The following ZFYVE26 variants were observed in gnomAD, a reference collection of about 807,000 sequenced individuals.
ZFYVE26 encodes zinc finger FYVE domain-containing protein 26.
ZFYVE26 carries 181 observed loss-of-function variants against 276.5 expected under a neutral mutation model. The ratio of observed to expected loss-of-function variants is 0.65; its 90% CI spans 0.58 to 0.74. The LOEUF is 0.74. ZFYVE26 is among the 30% of genes least tolerant of loss of function. The pLI, the probability that ZFYVE26 is intolerant of heterozygous loss-of-function variation, is 0.00. For missense variants in ZFYVE26, 2,821 were observed against 3,097.9 expected (o/e 0.91, Z 2.12); for synonymous variants, 1,129 against 1,203.1 (o/e 0.94, Z 1.27).
At chr14:67,763,989 G>A (rs761521400) in intron 32 of ZFYVE26, among the ~76,000 whole-genome samples, 1 of 152,180 alleles carries the variant, frequency 6.6e-6, no homozygotes, top group Non-Finnish European at 1.5e-5. Context: ...ATGCTGCTGG[G>A]TGGAAGCATC....
intron 10 of ZFYVE26, 23 bp from the exon 11 acceptor site, chr14:67,798,645 A>G (rs556252734): frequency 1.2e-6 from 2 of 1,613,464 alleles, no homozygotes; most frequent in Admixed American, 3.3e-5. Context: ...GTACAAGAGA[A>G]GAGGCCAGAG....
At chr14:67,736,570 C>T (rs1304852593) in intron 13 of ZFYVE26, among the ~76,000 whole-genome samples, 1 of 152,014 alleles carries the variant, frequency 6.6e-6, no homozygotes, top group East Asian at 1.9e-4. Flanking sequence ...TATCTTTATG[C>T]CCTTGGAAGA....
chr14:67,793,563 G>C (rs1180708225), intron 14 of ZFYVE26, 45 bp downstream of exon 14: 1 of 1,603,624 alleles, frequency 6.2e-7, no homozygotes, highest in Non-Finnish European at 8.5e-7. Context: ...AGCCTTACCT[G>C]ATGCTAAGTC....
At position 67,805,597 on chromosome 14, in the gene ZFYVE26, T is replaced by C; in HGVS notation, c.1039A>G (p.Lys347Glu). The C allele has an allele frequency of 1.2e-6, 2 of 1,614,146 alleles. No individual in the cohort carries two copies. Among genetic ancestry groups the C allele is most frequent in the South Asian group, 1.1e-5 (1 of 91,088 alleles). Residue 347 changes from lysine (K) to glutamate (E), a missense_variant, in exon 7 of 42, where the codon AAA becomes GAA. Transcript: ENST00000347230. The part of the protein sequence containing the change: ...QILVTALTLL[K>E]EEDFPNLGCL... ...CCAAGATTTGGGAAGTCTTCTTCTT[T>C]CAACAATGTTAGTGCTGTTACCTGT...
chr14:67,783,996 G>A (rs1011586328), intron 20 of ZFYVE26, among the ~76,000 whole-genome samples: 3 of 152,204 alleles, frequency 2.0e-5, no homozygotes, highest in Non-Finnish European at 4.4e-5. Flanking sequence ...TTCCGACAGA[G>A]GCTGTACAAA....
chr14:67,764,497 A>G (rs1445053288), intron 32 of ZFYVE26, among the ~76,000 whole-genome samples: 4 of 152,162 alleles, frequency 2.6e-5, no homozygotes, highest in Non-Finnish European at 5.9e-5. Context: ...GGAATTACAG[A>G]CAAGAGCCAC....
intron 14 of ZFYVE26, 81 bp from the exon 15 acceptor site, chr14:67,790,854 C>A (rs777258922): frequency 1.5e-6 from 2 of 1,315,670 alleles, no homozygotes; most frequent in Non-Finnish European, 2.2e-6. Flanking sequence ...TCTTGCCAAC[C>A]ATTAGACTGT....
Position 67,729,419 on chromosome 14 carries a change from G to A in ZFYVE26, n.3080C>T, listed in dbSNP as rs749580824. ...ATGCGGTTCTCTCCACCACCTGTGT[G>A]CATGGGAGGTGCCGGACTCGCTGGG... On this transcript the variant is annotated non_coding_transcript_exon_variant, in exon 14 of 15. Transcript: ENST00000394455. The A allele has an allele frequency of 1.9e-6, 3 of 1,574,656 alleles. No individual in the cohort carries two copies. The Admixed American group carries it at 5.0e-5, about 26-fold the overall frequency.
chr14:67,765,290 C>A (rs1777298225), intron 32 of ZFYVE26, among the ~76,000 whole-genome samples: 1 of 152,176 alleles, frequency 6.6e-6, no homozygotes, highest in African/African-American at 2.4e-5. Flanking sequence ...TTTCGGAATA[C>A]ACAGTATATA....
chr14:67,811,350 G>A (rs970251376), intron 3 of ZFYVE26, among the ~76,000 whole-genome samples: 5 of 152,190 alleles, frequency 3.3e-5, no homozygotes, highest in African/African-American at 1.2e-4. Context: ...AAGCAAGGAT[G>A]TCATGCAAAA....
chr14:67,795,740 A>G (rs1378211446), intron 12 of ZFYVE26, among the ~76,000 whole-genome samples: 1 of 152,232 alleles, frequency 6.6e-6, no homozygotes, highest in Non-Finnish European at 1.5e-5. Context: ...AGAAAAGCCT[A>G]TAAGTGGAAT....
At position 67,752,529 on chromosome 14, in the gene ZFYVE26, A is replaced by G. The variant is rs752060381; in HGVS notation, c.7189-3T>C. 1.2e-5 allele frequency: 19 copies of G among 1,614,178 alleles called. No homozygotes were observed. In the East Asian group the frequency reaches 3.6e-4, roughly 30 times the overall value. On this transcript the variant is annotated splice_polypyrimidine_tract_variant and splice_region_variant and intron_variant, in intron 39 of 41. Transcript: ENST00000347230. ...ATGGCAGCATCCAGCTGGAAGTCCTAGAACAGAACACAACATGATGGGCTT... is the reference window on the plus strand; with the variant it reads ...ATGGCAGCATCCAGCTGGAAGTCCTGGAACAGAACACAACATGATGGGCTT...
Position 67,805,081 on chromosome 14 carries a change from G to C in ZFYVE26, c.1271+136C>G, listed in dbSNP as rs1041902428. On this transcript the variant is annotated intron_variant, in intron 8 of 41. Transcript: ENST00000347230. ...TGTTTCTTTCTTGGTTTAATTGTTG[G>C]AACAATTTTTAGTAGCTGGTCAACA... 42 of 810,774 alleles carry C rather than the reference G, an allele frequency of 5.2e-5. 2 individuals are homozygous for C. The South Asian group carries it at 6.1e-4, about 12-fold the overall frequency. The allele number at this position is 810,774 out of a possible 1,614,324, so 50.2% of individuals were successfully genotyped here. A position where few individuals can be genotyped will look rare whatever the true frequency, so the allele number is the denominator to read the frequency against.
chr14:67,749,793 C>A (rs1383546381), intron 41 of ZFYVE26, among the ~76,000 whole-genome samples: 1 of 152,210 alleles, frequency 6.6e-6, no homozygotes, highest in African/African-American at 2.4e-5. Context: ...TCTCCCCAGG[C>A]CTTCAGCTCC....
At chr14:67,784,285 T>G in intron 20 of ZFYVE26, 49 bp downstream of exon 20, 3 of 1,511,362 alleles carry the variant, frequency 2.0e-6, no homozygotes, top group Non-Finnish European at 2.8e-6. Context: ...GCTATATTGA[T>G]GAAATCATCC....
At chr14:67,732,126 CAAAAAAAAAAA>C (rs71129854) in intron 13 of ZFYVE26, among the ~76,000 whole-genome samples, 15,781 of 77,782 alleles carry the variant, frequency 0.2, 943 homozygotes, top group Middle Eastern at 0.38. Context: ...GACTCTGTCT[CAAAAAAAAAAA>C]AAAAAAAAAA....
At chr14:67,766,699 C>A (rs540973639) in intron 31 of ZFYVE26, among the ~76,000 whole-genome samples, 1 of 152,186 alleles carries the variant, frequency 6.6e-6, no homozygotes, top group African/African-American at 2.4e-5. Context: ...CCACCTCTTA[C>A]CCACTTCTTT....
At chr14:67,735,410 G>T in intron 13 of ZFYVE26, 1 of 651,942 alleles carries the variant, frequency 1.5e-6, no homozygotes. Context: ...AAGACTTGCC[G>T]CAAGTTAACA....
At position 67,786,243 on chromosome 14, in the gene ZFYVE26, G is replaced by C. The variant is rs1025456260; in HGVS notation, c.3020-10C>G. The C allele has an allele frequency of 4.7e-6, 6 of 1,278,910 alleles. No individual in the cohort carries two copies. The African/African-American group carries it at 5.6e-5, about 12-fold the overall frequency. 79.2% of individuals were successfully genotyped at this position (1,278,910 alleles called of 1,614,324 possible). On this transcript the variant is annotated splice_polypyrimidine_tract_variant and intron_variant, in intron 16 of 41. Transcript: ENST00000347230. ...TGGTCTATCCGTCGACCTGGAAATAGATGAAGGAAGAGGGAATGCAAAAAA... is the reference window on the plus strand; with the variant it reads ...TGGTCTATCCGTCGACCTGGAAATACATGAAGGAAGAGGGAATGCAAAAAA...
Sources: allele counts gnomAD v4.1 joint callset (sites outside exome capture counted in the v4.1 genomes callset), GRCh38; gene constraint gnomAD v4.1.1; transcripts MANE v1.5; gene names NCBI Gene and HGNC (gene_info 2026-07-23, HGNC 2026-07-21).